SH2B1: variants seen among roughly 807,000 people sequenced by gnomAD.
SH2B1 encodes the protein SH2B adaptor protein 1.
A neutral mutation model predicts 62.6 loss-of-function variants in SH2B1; 15 were observed. That is an observed-to-expected ratio of 0.24 (90% CI 0.16 to 0.37). SH2B1 has a LOEUF of 0.37. Among genes scored for constraint, SH2B1 ranks in the 10% least tolerant of loss-of-function variants. The pLI is 1.00. For missense variants in SH2B1, 925 were observed against 1,015.6 expected, an observed-to-expected ratio of 0.91 and a Z score of 1.21; for synonymous variants, 443 against 438.0, an observed-to-expected ratio of 1.01 and a Z score of -0.14.
rs869029751 is a variant in SH2B1 at position 28,852,209 on chromosome 16, T to TATATATATTTAC, written c.-301+5403_-301+5414dup. Among the ~76,000 whole-genome samples, 37 of 78,806 alleles carry TATATATATTTAC rather than the reference T, an allele frequency of 4.7e-4. 1 individual carries two copies. Among genetic ancestry groups the TATATATATTTAC allele is most frequent in the Non-Finnish European group, 7.1e-4 (32 of 45,130 alleles). 51.7% of individuals were successfully genotyped at this position (78,806 alleles called of 152,430 possible). A position where few individuals can be genotyped will look rare whatever the true frequency, so the allele number is the denominator to read the frequency against. ...ATATATTTTTATTTATATATTTACA[T>TATATATATTTAC]ATATATATTTACATATATATTTACA... On this transcript the variant is annotated intron_variant, in intron 1 of 10. Coordinates refer to the SH2B1 transcript ENST00000322610.
At chr16:28,867,252 A>G (rs1962765976) in intron 1 of SH2B1, 79 bp from the exon 2 acceptor site, 4 of 1,302,480 alleles carry the variant, frequency 3.1e-6, no homozygotes, top group Admixed American at 3.4e-5. Context: ...ATGTAGAAGG[A>G]AAGATGAATG....
intron 1 of SH2B1, among the ~76,000 whole-genome samples, chr16:28,849,139 GGT>G (rs1962045830): frequency 6.6e-6 from 1 of 152,000 alleles, no homozygotes; most frequent in African/African-American, 2.4e-5. Flanking sequence ...AGCCTTGCTG[GGT>G]CTCCTAGGCT....
Position 28,873,778 on chromosome 16 carries a change from G to C in SH2B1, c.2229G>C (p.Gly743=), listed in dbSNP as rs765279830. 212 of 1,467,686 alleles carry C rather than the reference G, an allele frequency of 1.4e-4. No homozygotes were observed. Among genetic ancestry groups the C allele is most frequent in the Non-Finnish European group, 1.9e-4 (209 of 1,111,246 alleles). The allele number at this position is 1,467,686 out of a possible 1,614,324, so 90.9% of individuals were successfully genotyped here. A position where few individuals can be genotyped will look rare whatever the true frequency, so the allele number is the denominator to read the frequency against. ...CACTAGGGGGTGATGGAGAGGAAGGGGGCCACCCCAGGGCCATTAACAACC... is the reference window on the plus strand; with the variant it reads ...CACTAGGGGGTGATGGAGAGGAAGGCGGCCACCCCAGGGCCATTAACAACC... The part of the protein sequence containing the change: ...QSPLGGDGEE[G]GHPRAINNQY... Residue 743 remains glycine (G), a synonymous_variant, in exon 8 of 8, where the codon GGG becomes GGC. Coordinates refer to ENST00000684370, the MANE Select transcript of SH2B1 (RefSeq NM_001387430.1). The surrounding 1 kb of genome is among the most constrained non-coding windows in gnomAD (Gnocchi z 4.2).
intron 1 of SH2B1, among the ~76,000 whole-genome samples, chr16:28,850,291 T>C (rs1271287425): frequency 6.6e-6 from 1 of 152,168 alleles, no homozygotes; most frequent in African/African-American, 2.4e-5. Context: ...GGATATCAAC[T>C]CGTCTGTTAT....
chr16:28,866,338 C>A lies in SH2B1; in HGVS notation c.244C>A (p.Arg82=), dbSNP rs375583410. Residue 82 remains arginine (R), a synonymous_variant, in exon 1 of 8, where the codon CGG becomes AGG. Transcript: ENST00000684370. The surrounding 1 kb of genome is among the most constrained non-coding windows in gnomAD (Gnocchi z 6.3). ...GCAGCACTTTGAAGCCGAGGTGGCC[C>A]GGGCCTCTGGCTCCCTGTCGCCACC... The part of the protein sequence containing the change: ...FLQHFEAEVA[R]ASGSLSPPIL... 48 of 1,612,418 alleles carry A rather than the reference C, an allele frequency of 3.0e-5. No individual in the cohort carries two copies. The Middle Eastern group carries it at 2.0e-3, about 67-fold the overall frequency.
rs760994748 is a variant in SH2B1, at chr16:28,871,810, C to T, written c.1340C>T (p.Ser447Leu). ...TATGGGGGCCTCTCAGACCGCCCCT[C>T]GGCATCCATCTCCCCCAGCTCTGCC... ...GAYGGLSDRP[S>L]ASISPSSASI... Residue 447 changes from serine to leucine, a missense_variant, in exon 5 of 8, where the codon TCG (serine) becomes TTG (leucine). Ser to Leu is a moderately radical substitution (Grantham distance 145). Around this residue, in one of 3 missense-constraint regions of SH2B1, gnomAD observed 683 missense variants for 704.0 expected, o/e 0.97. Coordinates refer to ENST00000684370, the MANE Select transcript of SH2B1 (RefSeq NM_001387430.1). 70 of 1,613,984 alleles carry T rather than the reference C, an allele frequency of 4.3e-5. No homozygotes were observed. The highest frequency in any genetic ancestry group is 7.7e-5 in the South Asian group (7 of 91,082).
rs563898191 is a variant in SH2B1, at chr16:28,867,056, T to C, written c.939+23T>C. The C allele has an allele frequency of 1.6e-5, 25 of 1,598,336 alleles. No homozygotes were observed. The East Asian group carries it at 4.5e-4, about 28-fold the overall frequency. ...AAGGTGAGGCCCCTTGGAGGGTGGG[T>C]GACTGAGAGCAAGTGAGAGAGTGCT... On this transcript the variant is annotated intron_variant, in intron 1 of 7. Coordinates refer to ENST00000684370, the MANE Select transcript of SH2B1 (RefSeq NM_001387430.1).
chr16:28,862,313 G>A (rs907438732), upstream of SH2B1: 3 of 152,088 alleles, frequency 2.0e-5, no homozygotes, highest in Admixed American at 1.3e-4. Context: ...TATTATTTTT[G>A]AGATGGAGTC....
chr16:28,860,702 A>ATTTGTG (rs1184605166), upstream of SH2B1, among the ~76,000 whole-genome samples: 2 of 151,802 alleles, frequency 1.3e-5, no homozygotes, highest in Non-Finnish European at 2.9e-5. Context: ...CCTTTATATC[A>ATTTGTG]TTTGTGTTTG....
rs1596619602 is a variant in SH2B1, at chr16:28,864,220, T to G, written c.-1875T>G. The G allele has an allele frequency of 9.8e-7, 1 of 1,021,236 alleles. No homozygotes were observed. The highest frequency in any genetic ancestry group is 1.0e-4 in the East Asian group (1 of 9,762). The allele number at this position is 1,021,236 out of a possible 1,614,324, so 63.3% of individuals were successfully genotyped here. A position where few individuals can be genotyped will look rare whatever the true frequency, so the allele number is the denominator to read the frequency against. ...CGAGCCGAGAGCGGAGCCTGCACCC[T>G]CCACCTCCCGCCCTTCGGGAAATAT... On this transcript the variant is annotated 5_prime_UTR_variant, in exon 1 of 8. Transcript: ENST00000684370.
chr16:28,869,008 G>A lies in SH2B1; in HGVS notation c.1044G>A (p.Val348=). Residue 348 remains valine (V), a splice_region_variant and synonymous_variant, in exon 3 of 8, where the codon GTG becomes GTA. Transcript: ENST00000684370. The stretch of plus-strand genomic sequence containing the variant: ...GAGGCGTCGTCTCATCTCTGTAGGT[G>A]GAAGGTCCATCCGAGTATATCATGG... ...PDRENTFVVK[V]EGPSEYIMET... is the part of the protein sequence containing the mutation. The A allele has an allele frequency of 1.2e-6, 2 of 1,613,636 alleles. No individual in the cohort carries two copies. Among genetic ancestry groups the A allele is most frequent in the Middle Eastern group, 1.6e-4 (1 of 6,062 alleles).
intron 4 of SH2B1, among the ~76,000 whole-genome samples, chr16:28,870,931 C>T (rs184546275): frequency 0.023 from 3,499 of 152,188 alleles, 73 homozygotes; most frequent in Non-Finnish European, 0.037. Flanking sequence ...AAGTCATTCT[C>T]ACACCTCAGC....
At position 28,866,220 on chromosome 16, in the gene SH2B1, C is replaced by T; in HGVS notation, c.126C>T (p.Ala42=). ...SHARAAALDF[A]RRFRLYLASH... ...CCCGGGCTGCGGCTCTGGACTTTGC[C>T]CGCCGTTTTCGCCTCTACCTGGCCT... The change falls in exon 1 of 8, where the codon GCC becomes GCT. Residue 42 remains alanine, a synonymous_variant. Transcript: ENST00000684370. This position sits in a 1 kb window ranked among gnomAD's most constrained non-coding sequence, Gnocchi z 6.3. 1 of 1,609,292 alleles carries T rather than the reference C, an allele frequency of 6.2e-7. No individual in the cohort carries two copies. Among genetic ancestry groups the T allele is most frequent in the South Asian group, 1.1e-5 (1 of 90,648 alleles).
chr16:28,856,181 G>A (rs1962320408), intron 1 of SH2B1, among the ~76,000 whole-genome samples: 1 of 150,346 alleles, frequency 6.7e-6, no homozygotes, highest in African/African-American at 2.4e-5. Flanking sequence ...GGCTGAGGCA[G>A]GAGAATCACT....
chr16:28,847,816 C>CTTTTTTTTTTTTTTTTTTTTT (rs34950443), intron 1 of SH2B1, among the ~76,000 whole-genome samples: 1 of 84,244 alleles, frequency 1.2e-5, no homozygotes, highest in African/African-American at 5.8e-5. Flanking sequence ...AAGACCCCAT[C>CTTTTTTTTTTTTTTTTTTTTT]TTTTTTTTTT....
At chr16:28,862,244 C>T (rs1962468345), upstream of SH2B1, 1 of 152,176 alleles carries the variant, frequency 6.6e-6, no homozygotes. Flanking sequence ...TAGCTCCAGA[C>T]TATATGCCCA....
chr16:28,872,158 C>G lies in SH2B1; in HGVS notation c.1514-32C>G, dbSNP rs1483247835. On this transcript the variant is annotated intron_variant, in intron 5 of 7. Transcript: ENST00000684370. This position sits in a 1 kb window ranked among gnomAD's most constrained non-coding sequence, Gnocchi z 5.3. The stretch of plus-strand genomic sequence containing the variant: ...CAGGATGGGGGAGGCTGCCCTGACA[C>G]CCCGGTTTCCCTCCCTCTCTCCTTC... The G allele has an allele frequency of 1.9e-6, 3 of 1,594,210 alleles. No individual in the cohort carries two copies. In the African/African-American group the frequency reaches 4.0e-5, roughly 21 times the overall value.
At position 28,871,764 on chromosome 16, in the gene SH2B1, C is replaced by A. The variant is rs1252693924; in HGVS notation, c.1310-16C>A. 1 of 1,607,812 alleles carries A rather than the reference C, an allele frequency of 6.2e-7. No homozygotes were observed. The highest frequency in any genetic ancestry group is 1.7e-5 in the Admixed American group (1 of 59,992). ...GGAATTTCTTGGGTTCTCAGCTTTG[C>A]CCTTTTTTTTTCCAGGGGCATATGG... is the stretch of plus-strand genomic sequence containing the variant. On this transcript the variant is annotated splice_polypyrimidine_tract_variant and intron_variant, in intron 4 of 7. Coordinates refer to ENST00000684370, the MANE Select transcript of SH2B1 (RefSeq NM_001387430.1).
At position 28,863,864 on chromosome 16, in the gene SH2B1, G is replaced by A; in HGVS notation, c.-2231G>A. On this transcript the variant is annotated 5_prime_UTR_variant, in exon 1 of 8. Transcript: ENST00000684370. The stretch of plus-strand genomic sequence containing the variant: ...CGCGGAACCGGGCTGGGCGCTCGTC[G>A]CGTAGTGGGTGGGGGCGCAGGGAGC... 3 of 1,524,090 alleles carry A rather than the reference G, an allele frequency of 2.0e-6. No homozygotes were observed. The highest frequency in any genetic ancestry group is 2.6e-6 in the Non-Finnish European group (3 of 1,141,174). The allele number at this position is 1,524,090 out of a possible 1,614,324, so 94.4% of individuals were successfully genotyped here. A position where few individuals can be genotyped will look rare whatever the true frequency, so the allele number is the denominator to read the frequency against.
Sources: allele counts gnomAD v4.1 joint callset (sites outside exome capture counted in the v4.1 genomes callset), GRCh38; gene constraint gnomAD v4.1.1; regional missense constraint gnomAD v4.1.1; non-coding constraint Gnocchi (gnomAD v3.1); transcripts MANE v1.5; gene names NCBI Gene and HGNC (gene_info 2026-07-23, HGNC 2026-07-21).